ESR1: variants seen among roughly 807,000 people sequenced by gnomAD.
The protein encoded by ESR1 is estrogen receptor 1, also known as estrogen receptor.
Under a neutral mutation model 52.7 loss-of-function variants are expected in ESR1, and 12 were observed. That is an observed-to-expected ratio of 0.23 (90% CI 0.15 to 0.37). The LOEUF is 0.37. ESR1 is among the 10% of genes least tolerant of loss of function. ESR1 has a pLI of 1.00. For missense variants in ESR1, 584 were observed against 779.7 expected (o/e 0.75, Z 2.99); for synonymous variants, 305 against 316.8 (o/e 0.96, Z 0.39).
intron 6 of ESR1, among the ~76,000 whole-genome samples, chr6:152,063,612 A>G (rs923473334): frequency 6.6e-6 from 1 of 152,244 alleles, no homozygotes; most frequent in Admixed American, 6.5e-5. Context: ...GTCATACCAC[A>G]ATCAACAATT....
At position 152,009,266 on chromosome 6, in the gene ESR1, G is replaced by C. The variant is rs180796802; in HGVS notation, c.1097-2390G>C. ...TTCAATGGAAAGACACCTGCTCTGA[G>C]ACAGGCTACACTGTCATGAGCCTTG... On this transcript the variant is annotated intron_variant, in intron 4 of 7. Coordinates refer to ENST00000206249, the MANE Select transcript of ESR1 (RefSeq NM_000125.4). Among the ~76,000 whole-genome samples, 929 of 152,166 alleles carry C rather than the reference G, an allele frequency of 6.1e-3. 5 individuals carry two copies. Among genetic ancestry groups the C allele is most frequent in the Non-Finnish European group, 9.9e-3 (672 of 67,990 alleles).
At chr6:151,904,613 T>C (rs1182632241) in intron 3 of ESR1, among the ~76,000 whole-genome samples, 4 of 152,202 alleles carry the variant, frequency 2.6e-5, no homozygotes, top group Non-Finnish European at 5.9e-5. Context: ...TTTTAACACA[T>C]TCATGCATAT....
chr6:151,689,824 A>G (rs1778832983), upstream of ESR1, among the ~76,000 whole-genome samples: 1 of 152,222 alleles, frequency 6.6e-6, no homozygotes, highest in Non-Finnish European at 1.5e-5. Flanking sequence ...AAACCACACC[A>G]GACATGATGA....
chr6:151,756,023 C>T (rs116855920), intron 2 of ESR1, among the ~76,000 whole-genome samples: 3 of 152,234 alleles, frequency 2.0e-5, no homozygotes, highest in Non-Finnish European at 4.4e-5. Context: ...ATGTCATGTT[C>T]TTTGCTACCC....
chr6:151,685,917 C>G (rs1778646417), upstream of ESR1, among the ~76,000 whole-genome samples: 2 of 152,090 alleles, frequency 1.3e-5, no homozygotes, highest in Middle Eastern at 3.4e-3. Context: ...TGCATTTTTT[C>G]TTTTGGAGAT....
intron 5 of ESR1, among the ~76,000 whole-genome samples, chr6:152,034,396 T>C (rs2045078613): frequency 6.6e-6 from 1 of 152,234 alleles, no homozygotes; most frequent in Non-Finnish European, 1.5e-5. Context: ...TTACCTGTCT[T>C]CTATATGACT....
At chr6:151,791,903 C>T (rs913105716) in intron 2 of ESR1, among the ~76,000 whole-genome samples, 5 of 152,200 alleles carry the variant, frequency 3.3e-5, no homozygotes, top group African/African-American at 1.2e-4. Context: ...TCCGTTTATT[C>T]ATTCTCTTCC....
intron 1 of ESR1, among the ~76,000 whole-genome samples, chr6:151,819,350 G>A (rs1408856152): frequency 6.6e-6 from 1 of 152,182 alleles, no homozygotes; most frequent in Non-Finnish European, 1.5e-5. Context: ...TCTGGACCAT[G>A]GACTCGTACT....
At chr6:151,808,770 G>C (rs1462231298) in intron 1 of ESR1, among the ~76,000 whole-genome samples, 3 of 152,142 alleles carry the variant, frequency 2.0e-5, no homozygotes, top group Non-Finnish European at 2.9e-5. Context: ...TTTAAAGTTG[G>C]GGGTGTTTGG....
intron 2 of ESR1, among the ~76,000 whole-genome samples, chr6:151,702,205 T>TTTCA (rs1325090560): frequency 2.6e-5 from 4 of 152,234 alleles, no homozygotes; most frequent in Non-Finnish European, 5.9e-5. Flanking sequence ...AAATTAAGGA[T>TTTCA]ACAATCTGTG....
chr6:151,895,979 AG>A (rs774558465), intron 3 of ESR1, among the ~76,000 whole-genome samples: 45 of 152,008 alleles, frequency 3.0e-4, no homozygotes, highest in Non-Finnish European at 5.3e-4. Context: ...TAGTAGAGAT[AG>A]GGTTTCGCTA....
chr6:151,662,352 TACTG>T (rs936017214), intron 1 of ESR1, among the ~76,000 whole-genome samples: 5 of 152,202 alleles, frequency 3.3e-5, no homozygotes, highest in African/African-American at 1.2e-4. Flanking sequence ...TCATGGTTAA[TACTG>T]ACTGAGAACT....
At chr6:151,806,586 G>A (rs997659384), upstream of ESR1, among the ~76,000 whole-genome samples, 7 of 141,898 alleles carry the variant, frequency 4.9e-5, no homozygotes, top group African/African-American at 1.8e-4. Flanking sequence ...GTATGTGCGT[G>A]TGCATGTTTA....
intron 3 of ESR1, among the ~76,000 whole-genome samples, chr6:151,913,456 T>C (rs1052512249): frequency 1.3e-5 from 2 of 152,248 alleles, no homozygotes; most frequent in Admixed American, 6.5e-5. Context: ...TTTTAACAAG[T>C]TTGTCCTGTT....
chr6:151,723,048 C>G (rs1483120928), intron 2 of ESR1, among the ~76,000 whole-genome samples: 1 of 151,960 alleles, frequency 6.6e-6, no homozygotes, highest in Non-Finnish European at 1.5e-5. Flanking sequence ...AGAGAGATGC[C>G]CTTTAGATTA....
rs566293405 is a variant in ESR1 at position 152,061,980 on chromosome 6, T to G, written c.1369+856T>G. Among the ~76,000 whole-genome samples, 1 of 152,282 alleles carries G rather than the reference T, an allele frequency of 6.6e-6. No homozygotes were observed. The highest frequency in any genetic ancestry group is 2.1e-4 in the South Asian group (1 of 4,832). ...CTTAAGCTCCACCTTTCCCCCTGGC[T>G]CTAACCCCACTTTGTGCCTCATCCC... is the stretch of plus-strand genomic sequence containing the variant. On this transcript the variant is annotated intron_variant, in intron 6 of 7. Coordinates refer to ENST00000206249, the MANE Select transcript of ESR1 (RefSeq NM_000125.4). The surrounding 1 kb of genome is among the most constrained non-coding windows in gnomAD (Gnocchi z 4.3).
At chr6:151,752,247 C>G (rs967893886) in intron 2 of ESR1, among the ~76,000 whole-genome samples, 2 of 151,850 alleles carry the variant, frequency 1.3e-5, no homozygotes, top group African/African-American at 4.8e-5. Flanking sequence ...CTTAATGTAG[C>G]CTTTTAAAAA....
intron 2 of ESR1, among the ~76,000 whole-genome samples, chr6:151,715,268 C>T (rs1354925032): frequency 1.3e-5 from 2 of 152,196 alleles, no homozygotes; most frequent in Non-Finnish European, 1.5e-5. Flanking sequence ...CTGCACTTAA[C>T]ATTTTTTCCT....
intron 4 of ESR1, among the ~76,000 whole-genome samples, chr6:151,992,913 T>C (rs967905125): frequency 6.6e-6 from 1 of 152,184 alleles, no homozygotes; most frequent in African/African-American, 2.4e-5. Flanking sequence ...GTACTTGCGA[T>C]GCCTGTGCCA....
Sources: allele counts gnomAD v4.1 joint callset (sites outside exome capture counted in the v4.1 genomes callset), GRCh38; gene constraint gnomAD v4.1.1; non-coding constraint Gnocchi (gnomAD v3.1); transcripts MANE v1.5; gene names NCBI Gene and HGNC (gene_info 2026-07-23, HGNC 2026-07-21).